The following CPS1 variants were observed in gnomAD, a reference collection of about 807,000 sequenced individuals.
The protein encoded by CPS1 is carbamoyl-phosphate synthase [ammonia], mitochondrial.
Under a neutral mutation model 174.6 loss-of-function variants are expected in CPS1, and 109 were observed. The ratio of observed to expected loss-of-function variants is 0.62; its 90% confidence interval spans 0.53 to 0.73. CPS1 has a LOEUF of 0.73. Among genes scored for constraint, CPS1 ranks in the 30% least tolerant of loss-of-function variants. The pLI is 0.00. For synonymous variants in CPS1, 637 were observed against 632.0 expected (o/e 1.01, Z -0.12); for missense variants, 1,689 against 1,821.9 (o/e 0.93, Z 1.33).
Position 210,658,496 on chromosome 2 carries a change from G to T in CPS1, c.3667-103G>T. On this transcript the variant is annotated intron_variant, in intron 30 of 37. Coordinates refer to ENST00000233072, the MANE Select transcript of CPS1 (RefSeq NM_001875.5). ...GTAGATATATAGCTGTCTGTGAAGA[G>T]AAATTAAAGACATCCAAATTTAAGG... 3.7e-6 allele frequency: 3 copies of T among 819,968 alleles called. No homozygotes were observed. The East Asian group carries it at 7.9e-5, about 22-fold the overall frequency. 50.8% of individuals were successfully genotyped at this position (819,968 alleles called of 1,614,324 possible).
At chr2:210,677,200 G>A (rs903850005) in intron 37 of CPS1, 64 bp downstream of exon 37, 3 of 1,470,472 alleles carry the variant, frequency 2.0e-6, no homozygotes, top group Admixed American at 1.7e-5. Context: ...CCTTAAGAGT[G>A]TAATCAGTAG....
Position 210,658,166 on chromosome 2 carries a change from A to T in CPS1, c.3667-433A>T, listed in dbSNP as rs562935647. On this transcript the variant is annotated intron_variant, in intron 30 of 37. Coordinates refer to ENST00000233072, the MANE Select transcript of CPS1 (RefSeq NM_001875.5). ...GTCCAGGGCAACAGAAAAGCAACAC[A>T]AAAGAAATCTCTCTGGTTTCTTTGC... is the stretch of plus-strand genomic sequence containing the variant. The T allele has an allele frequency of 3.4e-4, 77 of 229,578 alleles. 2 individuals carry two copies. In the South Asian group the frequency reaches 4.6e-3, roughly 14 times the overall value. 14.2% of individuals were successfully genotyped at this position (229,578 alleles called of 1,614,324 possible). A position where few individuals can be genotyped will look rare whatever the true frequency, so the allele number is the denominator to read the frequency against.
chr2:210,632,667 G>A (rs1041981474), intron 21 of CPS1, among the ~76,000 whole-genome samples: 3 of 152,178 alleles, frequency 2.0e-5, no homozygotes, highest in African/African-American at 7.2e-5. Context: ...CTCTCTAATG[G>A]CCCTGGTGGG....
At chr2:210,615,169 C>T (rs1699265058) in intron 20 of CPS1, among the ~76,000 whole-genome samples, 1 of 151,926 alleles carries the variant, frequency 6.6e-6, no homozygotes, top group South Asian at 2.1e-4. Context: ...TTAAAAGTTT[C>T]AGTAACTTAA....
intron 14 of CPS1, among the ~76,000 whole-genome samples, 169 bp from the exon 15 acceptor site, chr2:210,600,386 A>G (rs1021597164): frequency 6.6e-6 from 1 of 151,892 alleles, no homozygotes; most frequent in Non-Finnish European, 1.5e-5. Flanking sequence ...ATTTTGTCAG[A>G]CCGTCTTCAG....
intron 29 of CPS1, among the ~76,000 whole-genome samples, chr2:210,655,120 G>T (rs1159508616): frequency 6.6e-6 from 1 of 152,098 alleles, no homozygotes; most frequent in Non-Finnish European, 1.5e-5. Context: ...ACTAAGGTCT[G>T]TTTCCTTGGA....
intron 20 of CPS1, among the ~76,000 whole-genome samples, chr2:210,613,999 A>G (rs1249253806): frequency 6.6e-6 from 1 of 151,906 alleles, no homozygotes; most frequent in Non-Finnish European, 1.5e-5. Flanking sequence ...GGAGTGTGTA[A>G]ATCTTTGCTT....
intron 21 of CPS1, among the ~76,000 whole-genome samples, chr2:210,623,078 C>A (rs1284713585): frequency 6.6e-6 from 1 of 152,044 alleles, no homozygotes; most frequent in Non-Finnish European, 1.5e-5. Context: ...CATGTTAAAT[C>A]ATCAAAGTGA....
chr2:210,590,950 T>C (rs780759800), intron 9 of CPS1, 44 bp downstream of exon 9: 1 of 1,470,892 alleles, frequency 6.8e-7, no homozygotes, highest in Non-Finnish European at 9.5e-7. Context: ...AGCTCTGACA[T>C]ACTAACTAAA....
At chr2:210,588,748 A>G (rs1368979381) in intron 7 of CPS1, among the ~76,000 whole-genome samples, 3 of 151,990 alleles carry the variant, frequency 2.0e-5, no homozygotes, top group Admixed American at 2.0e-4. Flanking sequence ...ACACACATAC[A>G]CACATATTTG....
chr2:210,520,614 C>G (rs1157988138), intron 1 of CPS1, among the ~76,000 whole-genome samples: 1 of 152,000 alleles, frequency 6.6e-6, no homozygotes, highest in Admixed American at 6.6e-5. Context: ...CCTACTCTGT[C>G]TGTCTCTAGT....
intron 21 of CPS1, among the ~76,000 whole-genome samples, chr2:210,629,401 G>A (rs1398678134): frequency 2.0e-5 from 3 of 151,706 alleles, no homozygotes; most frequent in African/African-American, 7.3e-5. Flanking sequence ...TGCAAGGTCC[G>A]CCTCCCGGGT....
rs2106107800 is a variant in CPS1, at chr2:210,590,200, C to A, written c.806C>A (p.Ala269Asp). The stretch of plus-strand genomic sequence containing the variant: ...ATCGCGGGAGGACCGGGGAACCCAG[C>A]TCTTGCAGAACCACTAATTCAGAAT... ...ILIAGGPGNP[A>D]LAEPLIQNVR... Residue 269 changes from alanine to aspartate, a missense_variant, in exon 8 of 38, where the codon GCT becomes GAT. Transcript: ENST00000233072. The A allele has an allele frequency of 6.2e-7, 1 of 1,612,890 alleles. No homozygotes were observed. The highest frequency in any genetic ancestry group is 1.1e-5 in the South Asian group (1 of 91,068).
At chr2:210,485,450 TC>T (rs750647769) in intron 1 of CPS1, among the ~76,000 whole-genome samples, 1 of 152,108 alleles carries the variant, frequency 6.6e-6, no homozygotes, top group Non-Finnish European at 1.5e-5. Context: ...AATCTCTGTT[TC>T]CTAGCCATGG....
In CPS1 at chr2:210,616,427, T is replaced by C. The variant is rs1699306931; in HGVS notation, c.2573T>C (p.Ile858Thr). 1.2e-6 allele frequency: 2 copies of C among 1,607,418 alleles called. No homozygotes were observed. The highest frequency in any genetic ancestry group is 1.1e-5 in the South Asian group (1 of 90,946). The change falls in exon 21 of 38, where the codon ATT becomes ACT. Residue 858 changes from isoleucine to threonine, a missense_variant. Coordinates refer to ENST00000233072, the MANE Select transcript of CPS1 (RefSeq NM_001875.5). The stretch of plus-strand genomic sequence containing the variant: ...TATCTCTTCTCCTCTTGGCAGGCCA[T>C]TGATGACAACATGTCCCTTGATGAG... ...STRIYAIAKA[I>T]DDNMSLDEIE...
intron 1 of CPS1, among the ~76,000 whole-genome samples, chr2:210,550,235 G>A (rs77369922): frequency 0.032 from 4,933 of 151,878 alleles, 254 homozygotes; most frequent in African/African-American, 0.11. Context: ...TGATTTTCAC[G>A]AAATGCAAAT....
Position 210,582,560 on chromosome 2 carries a change from T to G in CPS1, c.529-57T>G, listed in dbSNP as rs755261286. On this transcript the variant is annotated intron_variant, in intron 5 of 37. Coordinates refer to ENST00000233072, the MANE Select transcript of CPS1 (RefSeq NM_001875.5). Reference sequence around the variant, plus strand: ...TGTTTAAAGTCCCTGTGAGTTTATCTTGTCAACACCTTTATCGTTGCTTCC... The same window carrying G: ...TGTTTAAAGTCCCTGTGAGTTTATCGTGTCAACACCTTTATCGTTGCTTCC... The G allele has an allele frequency of 4.5e-5, 59 of 1,324,706 alleles. No individual in the cohort carries two copies. In the South Asian group the frequency reaches 6.6e-4, roughly 15 times the overall value. The allele number at this position is 1,324,706 out of a possible 1,614,324, so 82.1% of individuals were successfully genotyped here.
chr2:210,597,954 A>G (rs1698549045), intron 13 of CPS1, among the ~76,000 whole-genome samples: 1 of 151,946 alleles, frequency 6.6e-6, no homozygotes, highest in African/African-American at 2.4e-5. Flanking sequence ...GCACTATAGC[A>G]AGCATGAATC....
At chr2:210,655,591 G>A (rs1700678025) in intron 29 of CPS1, among the ~76,000 whole-genome samples, 2 of 152,084 alleles carry the variant, frequency 1.3e-5, no homozygotes, top group African/African-American at 4.8e-5. Context: ...TTATAAATAA[G>A]CTCTTGTAAA....
Sources: gnomAD v4.1 joint callset for allele counts (sites outside exome capture counted in the v4.1 genomes callset) on GRCh38, gnomAD v4.1.1 for gene constraint, MANE v1.5 for transcripts, NCBI Gene and HGNC (gene_info 2026-07-23, HGNC 2026-07-21) for gene names.